BBS2: variants seen among roughly 807,000 people sequenced by gnomAD.
BBS2 encodes BBSome complex member BBS2.
Under a neutral mutation model 83.0 loss-of-function variants are expected in BBS2, and 62 were observed. The observed-to-expected ratio is 0.75, with a 90% CI of 0.61 to 0.92. The LOEUF (loss-of-function observed/expected upper bound fraction) is 0.92, where lower values mean the gene tolerates loss of function less well. BBS2 is among the 40% of genes least tolerant of loss of function. BBS2 has a pLI of 0.00. For missense variants in BBS2, 784 were observed against 901.0 expected, an observed-to-expected ratio of 0.87 and a Z score of 1.66; for synonymous variants, 303 against 326.1, an observed-to-expected ratio of 0.93 and a Z score of 0.76.
chr16:56,502,714 T>C lies in BBS2; in HGVS notation c.899A>G (p.Asp300Gly), dbSNP rs202230193. 1 of 1,614,182 alleles carries C rather than the reference T, an allele frequency of 6.2e-7. No homozygotes were observed. The highest frequency in any genetic ancestry group is 2.2e-5 in the East Asian group (1 of 44,882). Residue 300 changes from aspartate (D) to glycine (G), a missense_variant, in exon 8 of 17, where the codon GAT becomes GGT. Transcript: ENST00000245157. ...AGVVEGDYRMDGHIQLICCSV... is the reference protein window; with the variant it reads ...AGVVEGDYRMGGHIQLICCSV... ...GCAGCAGATTAACTGTATGTGGCCA[T>C]CCATCCGGTAATCTCCCTCTACCAC...
intron 2 of BBS2, 49 bp from the exon 3 acceptor site, chr16:56,511,333 C>G (rs1210678530): frequency 6.2e-7 from 1 of 1,609,998 alleles, no homozygotes; most frequent in Admixed American, 1.7e-5. Flanking sequence ...AATATGCAGG[C>G]CCACATATTA....
At chr16:56,492,422 ATAT>A (rs1249829956) in intron 15 of BBS2, among the ~76,000 whole-genome samples, 6 of 152,252 alleles carry the variant, frequency 3.9e-5, no homozygotes, top group African/African-American at 9.6e-5. Flanking sequence ...AGAAGGACAA[ATAT>A]TATATATTTG....
At chr16:56,499,739 CT>C in intron 12 of BBS2, 38 bp downstream of exon 12, 3 of 1,612,868 alleles carry the variant, frequency 1.9e-6, no homozygotes, top group Non-Finnish European at 2.5e-6. Context: ...AAGGATTCTA[CT>C]GTGTAAAAGC....
intron 16 of BBS2, 93 bp downstream of exon 16, chr16:56,485,497 C>T: frequency 6.7e-7 from 1 of 1,495,054 alleles, no homozygotes; most frequent in Non-Finnish European, 9.3e-7. Context: ...TACTTTCAGC[C>T]CCAATATGAA....
intron 15 of BBS2, among the ~76,000 whole-genome samples, chr16:56,489,094 A>T (rs1208263711): frequency 1.3e-5 from 2 of 152,112 alleles, no homozygotes; most frequent in Non-Finnish European, 2.9e-5. Context: ...CATTAAAAAA[A>T]AAAAATGGCC....
chr16:56,476,422 T>A, intron 17 of BBS2: 3 of 168,398 alleles, frequency 1.8e-5, no homozygotes, highest in Non-Finnish European at 2.4e-5. Context: ...AAAAGTTGGC[T>A]TTTTTTTTTT....
chr16:56,472,454 G>A (rs1170579733), intron 17 of BBS2, among the ~76,000 whole-genome samples: 1 of 152,174 alleles, frequency 6.6e-6, no homozygotes, highest in African/African-American at 2.4e-5. Context: ...CACTGTTTAC[G>A]AAGTTTACCA....
Position 56,519,848 on chromosome 16 carries a change from C to T in BBS2, c.15G>A (p.Val5=), listed in dbSNP as rs1347070297. The stretch of plus-strand genomic sequence containing the variant: ...TTTTGTGGCGCAGTTTCAGGGTGAA[C>T]ACAGGCAGCAGCATGATGGCGGCGG... The part of the protein sequence containing the change: MLLP[V]FTLKLRHKIS... The change falls in exon 1 of 17, where the codon GTG becomes GTA. Residue 5 remains valine, a synonymous_variant. Transcript: ENST00000245157. The T allele has an allele frequency of 6.2e-7, 1 of 1,613,756 alleles. No homozygotes were observed. The highest frequency in any genetic ancestry group is 1.1e-5 in the South Asian group (1 of 91,074).
At chr16:56,504,267 T>C (rs766949640) in intron 7 of BBS2, among the ~76,000 whole-genome samples, 12 of 152,246 alleles carry the variant, frequency 7.9e-5, no homozygotes, top group Non-Finnish European at 1.5e-4. Context: ...GACCTGAACT[T>C]GCTTCTTTCT....
chr16:56,489,451 TATATG>T (rs1357933454), intron 15 of BBS2, among the ~76,000 whole-genome samples: 1 of 151,962 alleles, frequency 6.6e-6, no homozygotes, highest in Non-Finnish European at 1.5e-5. Context: ...AGAAATATGA[TATATG>T]ATAAGGGCAG....
rs542740991 is a variant in BBS2, at chr16:56,470,831, C to A, written c.*1-136G>T. 1.0e-5 allele frequency: 15 copies of A among 1,489,594 alleles called. No individual in the cohort carries two copies. In the South Asian group the frequency reaches 2.1e-4, roughly 20 times the overall value. The allele number at this position is 1,489,594 out of a possible 1,614,324, so 92.3% of individuals were successfully genotyped here. A position where few individuals can be genotyped will look rare whatever the true frequency, so the allele number is the denominator to read the frequency against. ...GGATTTGTCCTTACTTACCATTAAC[C>A]ATTCACCATTCAAACATGTATTCAT... On this transcript the variant is annotated intron_variant, in intron 17 of 17. Transcript: ENST00000682047.
rs759147772 is a variant in BBS2, at chr16:56,502,716, C to G, written c.897G>C (p.Met299Ile). 9 of 1,614,168 alleles carry G rather than the reference C, an allele frequency of 5.6e-6. No homozygotes were observed. The highest frequency in any genetic ancestry group is 4.5e-5 in the East Asian group (2 of 44,878). ...AGCAGATTAACTGTATGTGGCCATCCATCCGGTAATCTCCCTCTACCACAC... is the reference window on the plus strand; with the variant it reads ...AGCAGATTAACTGTATGTGGCCATCGATCCGGTAATCTCCCTCTACCACAC... Reference protein sequence around the residue: ...IAGVVEGDYRMDGHIQLICCS... With the variant: ...IAGVVEGDYRIDGHIQLICCS... Residue 299 changes from methionine (M) to isoleucine (I), a missense_variant, in exon 8 of 17, where the codon ATG becomes ATC. Coordinates refer to ENST00000245157, the MANE Select transcript of BBS2 (RefSeq NM_031885.5).
Position 56,514,529 on chromosome 16 carries a change from T to C in BBS2, c.269A>G (p.Asp90Gly), listed in dbSNP as rs1228731722. ...AGTCTGTGTCCCCACTAAAAGGGCA[T>C]CATAGCCAAGCTCAGGGTTCAATAC... The part of the protein sequence containing the change: ...AGVLNPELGY[D>G]ALLVGTQTNL... Residue 90 changes from aspartate to glycine, a missense_variant, in exon 2 of 17, where the codon GAT becomes GGT. Physicochemically the swap from Asp to Gly is moderately conservative, Grantham distance 94 (BLOSUM62 -1). Coordinates refer to ENST00000245157, the MANE Select transcript of BBS2 (RefSeq NM_031885.5). The C allele has an allele frequency of 5.0e-6, 8 of 1,614,156 alleles. No homozygotes were observed. The highest frequency in any genetic ancestry group is 6.8e-6 in the Non-Finnish European group (8 of 1,180,020).
chr16:56,488,398 A>AT (rs58356757), intron 15 of BBS2, among the ~76,000 whole-genome samples: 25,531 of 152,206 alleles, frequency 0.17, 2,318 homozygotes, highest in East Asian at 0.27. Flanking sequence ...TAGGGTTCCC[A>AT]TGACCCCCTC....
In BBS2 at chr16:56,499,970, G is replaced by C. The variant is rs112799402; in HGVS notation, c.1398-63C>G. 13 of 1,604,044 alleles carry C rather than the reference G, an allele frequency of 8.1e-6. No homozygotes were observed. The African/African-American group carries it at 1.1e-4, about 13-fold the overall frequency. ...TATAGAATGTTCTTTCAAAATGCAA[G>C]GCCCAGAAAATAAAGCCACTTCTGG... On this transcript the variant is annotated intron_variant, in intron 11 of 16. Transcript: ENST00000245157.
chr16:56,505,908 T>G, intron 7 of BBS2, 42 bp downstream of exon 7: 2 of 1,473,156 alleles, frequency 1.4e-6, no homozygotes, highest in Non-Finnish European at 1.9e-6. Context: ...CTTGGACAAT[T>G]ACTACTCTGA....
chr16:56,488,200 C>T (rs116509086), intron 15 of BBS2, among the ~76,000 whole-genome samples: 162 of 152,282 alleles, frequency 1.1e-3, no homozygotes, highest in African/African-American at 3.6e-3. Flanking sequence ...GTTTTTCCCA[C>T]ACACCAAGAA....
chr16:56,475,468 TAGG>T, intron 17 of BBS2: 1 of 1,595,604 alleles, frequency 6.3e-7, no homozygotes, highest in Non-Finnish European at 8.6e-7. Flanking sequence ...ACTCTTTCAA[TAGG>T]AGCTTTCTGA....
At position 56,476,159 on chromosome 16, in the gene BBS2, C is replaced by G. The variant is rs778427811; in HGVS notation, c.*1-5464G>C. 4.3e-6 allele frequency: 7 copies of G among 1,613,176 alleles called. No homozygotes were observed. Among genetic ancestry groups the G allele is most frequent in the African/African-American group, 1.3e-5 (1 of 74,862 alleles). On this transcript the variant is annotated intron_variant, in intron 17 of 17. Coordinates refer to the BBS2 transcript ENST00000682047. ...AGCCTGGAACAAAAGAAAACCTTCC[C>G]AAACAGAACAGGTTTCTGGGACTTT...
Sources: allele counts gnomAD v4.1 joint callset (sites outside exome capture counted in the v4.1 genomes callset), GRCh38; gene constraint gnomAD v4.1.1; transcripts MANE v1.5; gene names NCBI Gene and HGNC (gene_info 2026-07-23, HGNC 2026-07-21).